Variants in TMEM114 observed in about 807,000 individuals in gnomAD.
TMEM114 encodes transmembrane protein 114.
Under a neutral mutation model 6.2 loss-of-function variants are expected in TMEM114, and 6 were observed. The ratio of observed to expected loss-of-function variants is 0.97; its 90% CI spans 0.53 to 1.91. TMEM114 has a LOEUF of 1.91. Among genes scored for constraint, TMEM114 ranks in the 40% most tolerant of loss-of-function variants. The pLI, the probability that TMEM114 is intolerant of heterozygous loss-of-function variation, is 0.01. For synonymous variants in TMEM114, 104 were observed against 73.0 expected (o/e 1.42, Z -2.16); for missense variants, 218 against 158.3 (o/e 1.38, Z -2.02).
At chr16:8,578,923 G>C (rs1035134499) in intron 2 of TMEM114, among the ~76,000 whole-genome samples, 1 of 152,170 alleles carries the variant, frequency 6.6e-6, no homozygotes, top group African/African-American at 2.4e-5. Flanking sequence ...AGGTCACAGT[G>C]AGCTGAGATT....
chr16:8,566,912 T>TC (rs1489354465), downstream of TMEM114, among the ~76,000 whole-genome samples: 2 of 147,710 alleles, frequency 1.4e-5, no homozygotes, highest in Non-Finnish European at 3.0e-5. Context: ...TTTTTTTTTT[T>TC]TTTTTTGAGA....
intron 2 of TMEM114, among the ~76,000 whole-genome samples, chr16:8,559,895 C>T (rs530479702): frequency 7.2e-5 from 11 of 152,280 alleles, no homozygotes; most frequent in African/African-American, 2.4e-4. Flanking sequence ...AAGTCGGGAG[C>T]CTGGGGTGGC....
chr16:8,590,041 CG>C lies in TMEM114; in HGVS notation c.-204del. The C allele has an allele frequency of 2.6e-6, 1 of 379,742 alleles. No individual in the cohort carries two copies. The highest frequency in any genetic ancestry group is 4.7e-6 in the Non-Finnish European group (1 of 214,794). The allele number at this position is 379,742 out of a possible 1,614,324, so 23.5% of individuals were successfully genotyped here. On this transcript the variant is annotated 5_prime_UTR_variant, in exon 1 of 4. Coordinates refer to ENST00000620492, the MANE Select transcript of TMEM114 (RefSeq NM_001146336.2). ...TCACCTGCCGGCTCCGACCTGCACGCGCCCCCCGCTCAGCCGCCGTCCACGT... is the reference window on the plus strand; with the variant it reads ...TCACCTGCCGGCTCCGACCTGCACGCCCCCCCGCTCAGCCGCCGTCCACGT...
At chr16:8,554,153 T>G (rs1900932793) in intron 2 of TMEM114, among the ~76,000 whole-genome samples, 1 of 152,098 alleles carries the variant, frequency 6.6e-6, no homozygotes, top group African/African-American at 2.4e-5. Context: ...ACTACTTCAC[T>G]GTAACAGAAC....
At chr16:8,534,504 A>G (rs1398686563), downstream of TMEM114, among the ~76,000 whole-genome samples, 1 of 152,196 alleles carries the variant, frequency 6.6e-6, no homozygotes, top group Non-Finnish European at 1.5e-5. Context: ...TCTCCAATGC[A>G]CCTACATCCG....
At chr16:8,543,151 C>G (rs183856730) in intron 2 of TMEM114, among the ~76,000 whole-genome samples, 4 of 152,260 alleles carry the variant, frequency 2.6e-5, no homozygotes, top group Admixed American at 1.3e-4. Flanking sequence ...GGCCTCATAG[C>G]AAAGAAACTT....
chr16:8,560,853 G>T (rs1446794406), intron 2 of TMEM114, among the ~76,000 whole-genome samples: 1 of 152,182 alleles, frequency 6.6e-6, no homozygotes, highest in East Asian at 1.9e-4. Context: ...TGTTGGTAAA[G>T]ACATACCTGA....
chr16:8,561,923 AATGAG>A (rs1401403128), intron 2 of TMEM114, among the ~76,000 whole-genome samples: 4 of 115,500 alleles, frequency 3.5e-5, no homozygotes, highest in Non-Finnish European at 5.8e-5. Flanking sequence ...TGAGTAAGTG[AATGAG>A]TGAGTGAGTA....
At chr16:8,568,240 C>G (rs1901610763), downstream of TMEM114, among the ~76,000 whole-genome samples, 1 of 152,178 alleles carries the variant, frequency 6.6e-6, no homozygotes, top group South Asian at 2.1e-4. Flanking sequence ...TCATGTGGCA[C>G]CCCAGAGAGC....
intron 2 of TMEM114, among the ~76,000 whole-genome samples, chr16:8,544,187 A>T (rs927265748): frequency 6.6e-6 from 1 of 152,224 alleles, no homozygotes; most frequent in Non-Finnish European, 1.5e-5. Flanking sequence ...AGCTGCAAAG[A>T]CCAAGTAAAG....
At position 8,578,335 on chromosome 16, in the gene TMEM114, C is replaced by G. The variant is rs533639516; in HGVS notation, c.302-6111G>C. ...TCTAGGGGAGAATCCTTCCCCGCCT[C>G]TCTTATGTCCTGGGAGCCGTTGGCA... On this transcript the variant is annotated intron_variant, in intron 2 of 3. Transcript: ENST00000620492. Among the ~76,000 whole-genome samples the G allele has an allele frequency of 8.5e-5, 13 of 152,278 alleles. No individual in the cohort carries two copies. The East Asian group carries it at 2.1e-3, about 25-fold the overall frequency.
chr16:8,589,618 C>A lies in TMEM114; in HGVS notation c.220+1G>T. The A allele has an allele frequency of 2.5e-6, 1 of 398,536 alleles. No individual in the cohort carries two copies. Among genetic ancestry groups the A allele is most frequent in the South Asian group, 1.3e-4 (1 of 7,862 alleles). The allele number at this position is 398,536 out of a possible 1,614,324, so 24.7% of individuals were successfully genotyped here. ...CTCCCAGCCACGGGGTGCACCCTTA[C>A]CCCGGCAGGTCCGCCAGAGGCCGGA... On this transcript the variant is annotated splice_donor_variant, in intron 1 of 3. Transcript: ENST00000620492. LOFTEE classifies it high-confidence loss of function.
chr16:8,540,338 A>G (rs1900479917), intron 2 of TMEM114, among the ~76,000 whole-genome samples: 1 of 152,174 alleles, frequency 6.6e-6, no homozygotes, highest in Admixed American at 6.5e-5. Flanking sequence ...CTGAGCAGGA[A>G]TCCCAGCTGA....
chr16:8,564,575 GAGTGAGTA>G, downstream of TMEM114, among the ~76,000 whole-genome samples: 1 of 148,842 alleles, frequency 6.7e-6, no homozygotes, highest in Non-Finnish European at 1.5e-5. Flanking sequence ...GTGAATGAGT[GAGTGAGTA>G]AATGAGTGAG....
chr16:8,530,161 A>C, the TMEM114 span, among the ~76,000 whole-genome samples: 2 of 152,092 alleles, frequency 1.3e-5, no homozygotes, highest in African/African-American at 4.8e-5. Flanking sequence ...CCAATTTCTC[A>C]TCTCCTTCCC....
intron 2 of TMEM114, among the ~76,000 whole-genome samples, chr16:8,541,710 A>C (rs533791256): frequency 6.6e-6 from 1 of 152,228 alleles, no homozygotes; most frequent in Admixed American, 6.5e-5. Context: ...TGAAAATTTC[A>C]TATTCTCCAT....
chr16:8,560,569 G>C (rs1008528899), intron 2 of TMEM114, among the ~76,000 whole-genome samples: 10 of 152,202 alleles, frequency 6.6e-5, no homozygotes, highest in Non-Finnish European at 1.5e-4. Context: ...AGAAAGGGAG[G>C]GAGGTAGCCC....
chr16:8,534,271 C>T (rs1471140561), downstream of TMEM114, among the ~76,000 whole-genome samples: 3 of 151,910 alleles, frequency 2.0e-5, no homozygotes, highest in Admixed American at 6.6e-5. Flanking sequence ...TCTTCAAAGG[C>T]GACCGGAGGA....
At chr16:8,533,445 G>A (rs1385355483), downstream of TMEM114, among the ~76,000 whole-genome samples, 1 of 152,156 alleles carries the variant, frequency 6.6e-6, no homozygotes, top group Non-Finnish European at 1.5e-5. Flanking sequence ...ATTGTGAGGG[G>A]CGATGAATGG....
Sources: allele counts gnomAD v4.1 joint callset (sites outside exome capture counted in the v4.1 genomes callset), GRCh38; gene constraint gnomAD v4.1.1; transcripts MANE v1.5; gene names NCBI Gene and HGNC (gene_info 2026-07-23, HGNC 2026-07-21).